The following HYDIN variants were observed in gnomAD, a reference collection of about 807,000 sequenced individuals.
HYDIN encodes HYDIN axonemal central pair apparatus protein, also known as axonemal central pair apparatus protein HYDIN.
Under a neutral mutation model 403.9 loss-of-function variants are expected in HYDIN, and 132 were observed. That is an observed-to-expected ratio of 0.33 (90% CI 0.28 to 0.38). HYDIN has a LOEUF of 0.38. Among genes scored for constraint, HYDIN ranks in the 10% least tolerant of loss-of-function variants. The pLI, the probability that HYDIN is intolerant of heterozygous loss-of-function variation, is 1.00. For synonymous variants in HYDIN, 1,202 were observed against 1,891.7 expected, an observed-to-expected ratio of 0.64 and a Z score of 9.46; for missense variants, 2,827 against 5,009.5, an observed-to-expected ratio of 0.56 and a Z score of 13.15.
chr16:71,186,195 T>A (rs2087138307), intron 2 of HYDIN, among the ~76,000 whole-genome samples: 1 of 152,174 alleles, frequency 6.6e-6, no homozygotes, highest in South Asian at 2.1e-4. Flanking sequence ...ATACTATCCC[T>A]GGCACTATAC....
At chr16:71,195,639 T>A (rs1185820076) in intron 1 of HYDIN, among the ~76,000 whole-genome samples, 3 of 152,224 alleles carry the variant, frequency 2.0e-5, no homozygotes, top group Non-Finnish European at 4.4e-5. Context: ...TTGATCTTTT[T>A]AAAACTGGAT....
intron 53 of HYDIN, 32 bp from the exon 54 acceptor site, chr16:70,896,112 G>C (rs762284793): frequency 2.5e-6 from 4 of 1,613,188 alleles, no homozygotes; most frequent in Admixed American, 3.3e-5. Flanking sequence ...TTCAGTAAAA[G>C]CAAGACCTAT....
intron 41 of HYDIN, among the ~76,000 whole-genome samples, chr16:70,945,083 C>T (rs2077809924): frequency 6.6e-6 from 1 of 152,226 alleles, no homozygotes; most frequent in Admixed American, 6.5e-5. Context: ...CCACCCTACT[C>T]GTCACATGAG....
chr16:71,049,983 A>AAT (rs1050473467), intron 18 of HYDIN, among the ~76,000 whole-genome samples: 14 of 147,600 alleles, frequency 9.5e-5, no homozygotes, highest in African/African-American at 3.2e-4. Context: ...ATAGTACAAG[A>AAT]ATATATATAT....
chr16:70,872,821 T>C (rs1388774398), intron 64 of HYDIN, among the ~76,000 whole-genome samples: 2 of 146,034 alleles, frequency 1.4e-5, no homozygotes, highest in African/African-American at 5.3e-5. Flanking sequence ...CATGCAGCCA[T>C]CCATCCATAT....
chr16:71,073,837 T>C (rs527902025), intron 13 of HYDIN, among the ~76,000 whole-genome samples: 1 of 152,122 alleles, frequency 6.6e-6, no homozygotes, highest in Admixed American at 6.5e-5. Flanking sequence ...AATTCTATTA[T>C]CTGACTCTCT....
intron 53 of HYDIN, among the ~76,000 whole-genome samples, chr16:70,899,824 T>A (rs2076312428): frequency 1.3e-5 from 2 of 152,152 alleles, no homozygotes; most frequent in South Asian, 4.1e-4. Flanking sequence ...ACCCTAAAGC[T>A]GGAGCCTAAG....
intron 7 of HYDIN, among the ~76,000 whole-genome samples, chr16:71,148,231 AT>A (rs1182847337): frequency 1.3e-5 from 2 of 151,556 alleles, no homozygotes; most frequent in Non-Finnish European, 2.9e-5. Flanking sequence ...ATAGAAGGAA[AT>A]TTTTTTAACC....
At chr16:70,954,725 T>C (rs912475528) in intron 40 of HYDIN, among the ~76,000 whole-genome samples, 1 of 152,214 alleles carries the variant, frequency 6.6e-6, no homozygotes, top group Admixed American at 6.5e-5. Flanking sequence ...TTCCTTTACA[T>C]GATAGTCAAG....
chr16:70,837,851 C>A lies in HYDIN; in HGVS notation c.13081G>T (p.Val4361Leu). Residue 4361 changes from valine to leucine, a missense_variant, in exon 77 of 86, where the codon GTG becomes TTG. Transcript: ENST00000393567. ...CLYTNTTHLEVNSRVDVVKPG... is the reference protein window; with the variant it reads ...CLYTNTTHLELNSRVDVVKPG... ...TTTACCACATCAACACGGGAGTTCA[C>A]CTCGAGGTGAGTGGTGTTGGTGTAC... The A allele has an allele frequency of 6.2e-7, 1 of 1,613,932 alleles. No homozygotes were observed. The highest frequency in any genetic ancestry group is 8.5e-7 in the Non-Finnish European group (1 of 1,179,846).
At chr16:71,135,595 T>C (rs1384113986) in intron 8 of HYDIN, among the ~76,000 whole-genome samples, 1 of 150,072 alleles carries the variant, frequency 6.7e-6, no homozygotes, top group Non-Finnish European at 1.5e-5. Flanking sequence ...TACTTTGCTA[T>C]TTTACTTTCT....
chr16:71,186,461 A>T (rs1355730120), intron 2 of HYDIN, among the ~76,000 whole-genome samples: 1 of 152,172 alleles, frequency 6.6e-6, no homozygotes, highest in African/African-American at 2.4e-5. Flanking sequence ...GAACTAAACA[A>T]ATGACAGTTT....
chr16:70,884,849 G>A (rs2041035413), intron 58 of HYDIN, among the ~76,000 whole-genome samples: 1 of 152,248 alleles, frequency 6.6e-6, no homozygotes, highest in African/African-American at 2.4e-5. Flanking sequence ...GGAAGGGTCT[G>A]GAACAGCCCA....
chr16:71,141,071 G>A (rs1309887783), intron 7 of HYDIN, among the ~76,000 whole-genome samples: 1 of 151,228 alleles, frequency 6.6e-6, no homozygotes, highest in Non-Finnish European at 1.5e-5. Flanking sequence ...AATAGAAATT[G>A]ATAGAATTAA....
chr16:71,117,803 A>C lies in HYDIN; in HGVS notation c.1228-2008T>G, dbSNP rs369184124. 4.1e-3 allele frequency among the ~76,000 whole-genome samples: 626 copies of C among 152,240 alleles called. 5 individuals are homozygous for C. Among genetic ancestry groups the C allele is most frequent in the African/African-American group, 0.014 (588 of 41,534 alleles). ...TTTAAAAATGCAGATATCAAACAAG[A>C]GGGAGAAAATAAAAATCTAGAGCCA... On this transcript the variant is annotated intron_variant, in intron 9 of 85. Transcript: ENST00000393567.
intron 45 of HYDIN, among the ~76,000 whole-genome samples, chr16:70,929,304 AAAC>A (rs1175030204): frequency 5.0e-5 from 7 of 140,674 alleles, no homozygotes; most frequent in Non-Finnish European, 9.2e-5. Flanking sequence ...AAACAAAACA[AAAC>A]AACAACAACA....
chr16:70,943,670 C>T, intron 42 of HYDIN, 142 bp downstream of exon 42: 1 of 1,187,584 alleles, frequency 8.4e-7, no homozygotes, highest in Non-Finnish European at 1.1e-6. Flanking sequence ...TCGACAAGAG[C>T]TGTCAAAAAG....
At position 71,205,586 on chromosome 16, in the gene HYDIN, T is replaced by C. The variant is rs373796145; in HGVS notation, c.-23-18668A>G. On this transcript the variant is annotated intron_variant, in intron 1 of 85. Transcript: ENST00000393567. Reference sequence around the variant, plus strand: ...ACAGCTCCAACAGAGGCCACAGTTGTAGTTCCGAGGAGCACCAACATTGTT... The same window carrying C: ...ACAGCTCCAACAGAGGCCACAGTTGCAGTTCCGAGGAGCACCAACATTGTT... 3.3e-5 allele frequency among the ~76,000 whole-genome samples: 5 copies of C among 152,328 alleles called. No individual in the cohort carries two copies. The East Asian group carries it at 7.7e-4, about 24-fold the overall frequency.
intron 62 of HYDIN, among the ~76,000 whole-genome samples, chr16:70,876,285 T>C (rs796459311): frequency 1.3e-4 from 18 of 143,092 alleles, no homozygotes; most frequent in African/African-American, 4.2e-4. Context: ...TCCCGGGTTC[T>C]GGCGATTCTC....
Sources: allele counts gnomAD v4.1 joint callset (sites outside exome capture counted in the v4.1 genomes callset), GRCh38; gene constraint gnomAD v4.1.1; transcripts MANE v1.5; gene names NCBI Gene and HGNC (gene_info 2026-07-23, HGNC 2026-07-21).